Variants in TXN2 observed in about 807,000 individuals in gnomAD.
TXN2 encodes thioredoxin, mitochondrial.
Under a neutral mutation model 14.6 loss-of-function variants are expected in TXN2, and 12 were observed. The ratio of observed to expected loss-of-function variants is 0.82; its 90% confidence interval spans 0.53 to 1.33. The LOEUF (loss-of-function observed/expected upper bound fraction) is 1.33. Among genes scored for constraint, TXN2 ranks in the 40% most tolerant of loss-of-function variants. TXN2 has a pLI of 0.00. For missense variants in TXN2, 173 were observed against 207.7 expected (o/e 0.83, Z 1.03); for synonymous variants, 89 against 81.0 (o/e 1.10, Z -0.53).
intron 3 of TXN2, 101 bp downstream of exon 3, chr22:36,476,632 C>T: frequency 6.7e-7 from 1 of 1,496,898 alleles, no homozygotes; most frequent in Non-Finnish European, 9.0e-7. Flanking sequence ...ACCTTGCTTA[C>T]TGGCTACCTG....
intron 2 of TXN2, 22 bp downstream of exon 2, chr22:36,480,553 T>C (rs758791136): frequency 2.2e-5 from 36 of 1,607,670 alleles, no homozygotes; most frequent in African/African-American, 4.0e-5. Context: ...ACCCTAGTCT[T>C]CTGTGGACCC....
In TXN2 at chr22:36,474,991, T is replaced by G. The variant is rs8137820; in HGVS notation, c.387+1742A>C. Among the ~76,000 whole-genome samples, 493 of 152,362 alleles carry G rather than the reference T, an allele frequency of 3.2e-3. 3 individuals carry two copies. The highest frequency in any genetic ancestry group is 0.011 in the African/African-American group (472 of 41,586). On this transcript the variant is annotated intron_variant, in intron 3 of 3. Coordinates refer to ENST00000216185, the MANE Select transcript of TXN2 (RefSeq NM_012473.4). Reference sequence around the variant, plus strand: ...CTCAGGGCTTTTGCTTTGCCTGAATTGTTCTTCCAAAGACCCACATGCTTC... The same window carrying G: ...CTCAGGGCTTTTGCTTTGCCTGAATGGTTCTTCCAAAGACCCACATGCTTC...
chr22:36,470,273 C>T (rs11089791), intron 3 of TXN2, among the ~76,000 whole-genome samples: 26,349 of 152,202 alleles, frequency 0.17, 3,102 homozygotes, highest in African/African-American at 0.33. Flanking sequence ...GGACACAGTC[C>T]TTGTCCTTGT....
chr22:36,470,512 C>A (rs1933251279), intron 3 of TXN2, among the ~76,000 whole-genome samples: 1 of 152,256 alleles, frequency 6.6e-6, no homozygotes, highest in South Asian at 2.1e-4. Context: ...CTCCCACCTG[C>A]ACACTGTCCT....
intron 1 of TXN2, 70 bp from the exon 2 acceptor site, chr22:36,480,907 G>T: frequency 2.7e-6 from 4 of 1,492,850 alleles, no homozygotes; most frequent in Non-Finnish European, 3.6e-6. Context: ...AAGATTTGGG[G>T]AGTACTCAGG....
chr22:36,476,903 A>C (rs1933398804), intron 2 of TXN2, 47 bp from the exon 3 acceptor site: 1 of 1,612,200 alleles, frequency 6.2e-7, no homozygotes, highest in South Asian at 1.1e-5. Flanking sequence ...AAGAGCGCTC[A>C]GCATCCCCTA....
rs754147721 is a variant in TXN2 at position 36,480,760 on chromosome 22, G to C, written c.78C>G (p.Pro26=). ...GGGTCTGCAGGGCTCTGGAAGTGAG[G>C]GGTGGCCACTGACCCTGAGAGGGCT... is the stretch of plus-strand genomic sequence containing the variant. ...SRKPSQGQWP[P]LTSRALQTPQ... is the part of the protein sequence containing the mutation. Residue 26 remains proline (P), a synonymous_variant, in exon 2 of 4, where the codon CCC becomes CCG. Transcript: ENST00000216185. 1.2e-5 allele frequency: 19 copies of C among 1,613,816 alleles called. No individual in the cohort carries two copies. The highest frequency in any genetic ancestry group is 1.6e-5 in the Non-Finnish European group (19 of 1,179,850).
chr22:36,467,710 G>T lies in TXN2; in HGVS notation c.*94C>A. 1 of 1,122,268 alleles carries T rather than the reference G, an allele frequency of 8.9e-7. No individual in the cohort carries two copies. The highest frequency in any genetic ancestry group is 1.3e-6 in the Non-Finnish European group (1 of 745,376). The allele number at this position is 1,122,268 out of a possible 1,614,324, so 69.5% of individuals were successfully genotyped here. A position where few individuals can be genotyped will look rare whatever the true frequency, so the allele number is the denominator to read the frequency against. ...CTCTAAGCATGGGCCCCAGGAGCCAGACAGGAGGGAGGCAGCAGGAAGGGC... is the reference window on the plus strand; with the variant it reads ...CTCTAAGCATGGGCCCCAGGAGCCATACAGGAGGGAGGCAGCAGGAAGGGC... On this transcript the variant is annotated 3_prime_UTR_variant, in exon 4 of 4. Transcript: ENST00000216185.
intron 2 of TXN2, 140 bp from the exon 3 acceptor site, chr22:36,476,996 A>C: frequency 7.2e-7 from 1 of 1,385,412 alleles, no homozygotes; most frequent in Non-Finnish European, 9.7e-7. Context: ...TAACACACCA[A>C]ATGGTAATGC....
Position 36,476,824 on chromosome 22 carries a change from C to T in TXN2, c.296G>A (p.Arg99Lys). 3 of 1,614,202 alleles carry T rather than the reference C, an allele frequency of 1.9e-6. No individual in the cohort carries two copies. The highest frequency in any genetic ancestry group is 2.5e-6 in the Non-Finnish European group (3 of 1,180,038). The change falls in exon 3 of 4, where the codon AGG becomes AAG. Residue 99 changes from arginine (R) to lysine (K), a missense_variant. By Grantham distance (26) the Arg-to-Lys change is conservative (BLOSUM62 2). Coordinates refer to ENST00000216185, the MANE Select transcript of TXN2 (RefSeq NM_012473.4). ...CTGCTTGGCCACCATCTTCTCTAAC[C>T]TCGGCCCCAGGATCTTGCAGGGTCC... ...WCGPCKILGP[R>K]LEKMVAKQHG...
intron 3 of TXN2, among the ~76,000 whole-genome samples, chr22:36,471,085 G>A (rs1296507723): frequency 6.6e-6 from 1 of 152,190 alleles, no homozygotes; most frequent in African/African-American, 2.4e-5. Flanking sequence ...TGCTGCTCCT[G>A]TGTCTGGCTC....
intron 3 of TXN2, among the ~76,000 whole-genome samples, chr22:36,471,212 G>A (rs1933267521): frequency 6.6e-6 from 1 of 152,236 alleles, no homozygotes; most frequent in Non-Finnish European, 1.5e-5. Flanking sequence ...AGCCAACTGA[G>A]GGGCTGAGGA....
rs146269725 is a variant in TXN2, at chr22:36,480,682, T to C, written c.156A>G (p.Ile52Met). The C allele has an allele frequency of 2.4e-4, 383 of 1,614,126 alleles. 1 individual carries two copies. The East Asian group carries it at 8.0e-3, about 34-fold the overall frequency. The stretch of plus-strand genomic sequence containing the variant: ...TTGTCAAGGAGATCCTCGTGGTGTA[T>C]ATTGTCCGGGCTGGGTTGGGTGTTA... Reference protein sequence around the residue: ...LTVTPNPARTIYTTRISLTTF... With the variant: ...LTVTPNPARTMYTTRISLTTF... The change falls in exon 2 of 4, where the codon ATA (isoleucine) becomes ATG (methionine). Residue 52 changes from isoleucine (I) to methionine (M), a missense_variant. Ile to Met is a conservative substitution (Grantham distance 10). Transcript: ENST00000216185.
In TXN2 at chr22:36,480,702, G is replaced by C; in HGVS notation, c.136C>G (p.Pro46Ala). Residue 46 changes from proline (P) to alanine (A), a missense_variant, in exon 2 of 4, where the codon CCC becomes GCC. Physicochemically the swap from Pro to Ala is conservative, Grantham distance 27. Coordinates refer to ENST00000216185, the MANE Select transcript of TXN2 (RefSeq NM_012473.4). Reference protein sequence around the residue: ...QCSPGGLTVTPNPARTIYTTR... With the variant: ...QCSPGGLTVTANPARTIYTTR... ...GTGTATATTGTCCGGGCTGGGTTGG[G>C]TGTTACAGTCAGGCCACCAGGACTG... is the stretch of plus-strand genomic sequence containing the variant. The C allele has an allele frequency of 1.2e-6, 2 of 1,614,156 alleles. No homozygotes were observed. Among genetic ancestry groups the C allele is most frequent in the Non-Finnish European group, 1.7e-6 (2 of 1,180,030 alleles).
chr22:36,467,906 C>T lies in TXN2; in HGVS notation c.399G>A (p.Val133=), dbSNP rs1458167268. 1 of 1,614,154 alleles carries T rather than the reference C, an allele frequency of 6.2e-7. No individual in the cohort carries two copies. The highest frequency in any genetic ancestry group is 2.2e-5 in the East Asian group (1 of 44,880). The change falls in exon 4 of 4, where the codon GTG becomes GTA. Residue 133 remains valine (V), a synonymous_variant. Transcript: ENST00000216185. Reference sequence around the variant, plus strand: ...CATTCTTCATGGCCAGCACAGTGGGCACCGCTGACACCTGGGTGGAGAGGA... The same window carrying T: ...CATTCTTCATGGCCAGCACAGTGGGTACCGCTGACACCTGGGTGGAGAGGA... The part of the protein sequence containing the change: ...DLAIEYEVSA[V]PTVLAMKNGD...
In TXN2 at chr22:36,469,041, C is replaced by CATAAATAAATAA. The variant is rs569570066; in HGVS notation, c.388-1136_388-1125dup. The stretch of plus-strand genomic sequence containing the variant: ...TGGGTGACAGAGTGAGACTCCATCT[C>CATAAATAAATAA]ATAAATAAATAAATAAATAAATAAA... On this transcript the variant is annotated intron_variant, in intron 3 of 3. Transcript: ENST00000216185. Among the ~76,000 whole-genome samples, 608 of 146,480 alleles carry CATAAATAAATAA rather than the reference C, an allele frequency of 4.2e-3. 5 individuals carry two copies. The highest frequency in any genetic ancestry group is 0.016 in the African/African-American group (574 of 36,936).
chr22:36,468,043 G>T, intron 3 of TXN2, 126 bp from the exon 4 acceptor site: 1 of 767,026 alleles, frequency 1.3e-6, no homozygotes, highest in Non-Finnish European at 2.2e-6. Context: ...GCCATGGGCA[G>T]GCCTAGAGGA....
At chr22:36,480,118 G>T (rs189310128) in intron 2 of TXN2, among the ~76,000 whole-genome samples, 174 of 152,208 alleles carry the variant, frequency 1.1e-3, no homozygotes, top group African/African-American at 3.9e-3. Flanking sequence ...CCTGACCTCA[G>T]GTGATCTGCC....
intron 2 of TXN2, among the ~76,000 whole-genome samples, chr22:36,477,754 A>G (rs1933415422): frequency 6.6e-6 from 1 of 152,208 alleles, no homozygotes; most frequent in South Asian, 2.1e-4. Context: ...CACACCTTCC[A>G]AAGAAACTGA....
Sources: allele counts gnomAD v4.1 joint callset (sites outside exome capture counted in the v4.1 genomes callset), GRCh38; gene constraint gnomAD v4.1.1; transcripts MANE v1.5; gene names NCBI Gene and HGNC (gene_info 2026-07-23, HGNC 2026-07-21).